PIEZO1: variants seen among roughly 807,000 people sequenced by gnomAD.
The protein encoded by PIEZO1 is piezo-type mechanosensitive ion channel component 1.
A neutral mutation model predicts 297.2 loss-of-function variants in PIEZO1; 296 were observed. That is an observed-to-expected ratio of 1.00 (90% CI 0.91 to 1.10). The LOEUF (loss-of-function observed/expected upper bound fraction) is 1.10, where lower values mean the gene tolerates loss of function less well. Among genes scored for constraint, PIEZO1 ranks in the 50% least tolerant of loss-of-function variants. The probability of loss-of-function intolerance (pLI) is 0.00; values close to 1 mark genes in which losing one functional copy is unlikely to be tolerated. For synonymous variants in PIEZO1, 2,427 were observed against 1,507.5 expected, an observed-to-expected ratio of 1.61 and a Z score of -14.13; for missense variants, 5,018 against 3,455.5, an observed-to-expected ratio of 1.45 and a Z score of -11.34.
rs145469752 is a variant in PIEZO1 at position 88,775,503 on chromosome 16, C to T, written c.64+9398G>A. 8.9e-3 allele frequency among the ~76,000 whole-genome samples: 1,352 copies of T among 152,118 alleles called. 28 individuals are homozygous for T. The highest frequency in any genetic ancestry group is 0.03 in the African/African-American group (1,257 of 41,498). ...CAGCACTTTGGGAGGCCAAGGCAGG[C>T]GGATCACCTAAGGTCAGGAGTTTGA... On this transcript the variant is annotated intron_variant, in intron 1 of 50. Coordinates refer to ENST00000301015, the MANE Select transcript of PIEZO1 (RefSeq NM_001142864.4).
chr16:88,736,004 G>A, intron 12 of PIEZO1, 144 bp downstream of exon 12: 1 of 794,774 alleles, frequency 1.3e-6, no homozygotes, highest in Non-Finnish European at 2.0e-6. Flanking sequence ...CTCTGGGCTG[G>A]CTCTGGGTGG....
rs996778701 is a variant in PIEZO1, at chr16:88,727,152, C to G, written c.3342G>C (p.Gln1114His). Residue 1114 changes from glutamine (Q) to histidine (H), a missense_variant, in exon 24 of 51, where the codon CAG (glutamine) becomes CAC (histidine). Gln to His is a conservative substitution (Grantham distance 24). Transcript: ENST00000301015. ...CCTCTGTGCGCTCAGCTGAGAACAC[C>G]TGCCACTGCTGGGAGGCGCACAGCA... ...LLLLCASQQW[Q>H]VFSAERTEEW... The G allele has an allele frequency of 7.1e-6, 11 of 1,548,840 alleles. No homozygotes were observed. The highest frequency in any genetic ancestry group is 2.0e-5 in the Admixed American group (1 of 50,964).
At chr16:88,733,119 G>C in intron 19 of PIEZO1, 159 bp downstream of exon 19, 1 of 672,020 alleles carries the variant, frequency 1.5e-6, no homozygotes, top group Non-Finnish European at 2.5e-6. Flanking sequence ...TGAGGTCGAA[G>C]GATGCTGCCT....
chr16:88,716,689 C>T lies in PIEZO1; in HGVS notation c.6796G>A (p.Val2266Ile), dbSNP rs546338962. 1.4e-4 allele frequency: 218 copies of T among 1,548,964 alleles called. No individual in the cohort carries two copies. The highest frequency in any genetic ancestry group is 1.0e-3 in the African/African-American group (75 of 73,186). Residue 2266 changes from valine (V) to isoleucine (I), a missense_variant, in exon 47 of 51, where the codon GTC (valine) becomes ATC (isoleucine). By Grantham distance (29) the Val-to-Ile change is conservative (BLOSUM62 3). Transcript: ENST00000301015. Reference protein sequence around the residue: ...FISQYSPEDIVTAQIEGSSGA... With the variant: ...FISQYSPEDIITAQIEGSSGA... ...GAGCTGCCCTCAATCTGCGCCGTGA[C>T]GATGTCCTCAGGGCTGTACTGGCTG... is the stretch of plus-strand genomic sequence containing the variant.
In PIEZO1 at chr16:88,736,336, G is replaced by A. The variant is rs1597459925; in HGVS notation, c.1369C>T (p.Arg457Cys). 1.9e-6 allele frequency: 3 copies of A among 1,550,018 alleles called. No individual in the cohort carries two copies. The highest frequency in any genetic ancestry group is 4.9e-5 in the East Asian group (2 of 40,930). The part of the protein sequence containing the change: ...LLWACLIWTV[R>C]SRHQLAMLCS... Reference sequence around the variant, plus strand: ...AGCATGGCCAGTTGGTGGCGGCTGCGCACCGTCCAGATGAGGCAGGCCCAG... The same window carrying A: ...AGCATGGCCAGTTGGTGGCGGCTGCACACCGTCCAGATGAGGCAGGCCCAG... The change falls in exon 12 of 51, where the codon CGC (arginine) becomes TGC (cysteine). Residue 457 changes from arginine (R) to cysteine (C), a missense_variant. Arg to Cys is a radical substitution (Grantham distance 180). Transcript: ENST00000301015.
At chr16:88,777,970 G>A (rs7200555) in intron 1 of PIEZO1, among the ~76,000 whole-genome samples, 42 of 152,354 alleles carry the variant, frequency 2.8e-4, no homozygotes, top group African/African-American at 9.6e-4. Flanking sequence ...TGTCCCTCCC[G>A]CATGGCCCTC....
chr16:88,727,742 T>G (rs932377637), intron 22 of PIEZO1, 81 bp from the exon 23 acceptor site: 4 of 626,138 alleles, frequency 6.4e-6, no homozygotes, highest in Non-Finnish European at 8.0e-6. Context: ...TTGACCCGAG[T>G]CTATCACCAG....
At chr16:88,741,983 C>T (rs1386142493) in intron 4 of PIEZO1, 70 bp downstream of exon 4, 2 of 1,474,240 alleles carry the variant, frequency 1.4e-6, no homozygotes, top group East Asian at 4.9e-5. Context: ...CCTCCTGGGT[C>T]CCCCCACTTC....
At chr16:88,777,440 T>C (rs749954882) in intron 1 of PIEZO1, among the ~76,000 whole-genome samples, 4 of 151,214 alleles carry the variant, frequency 2.6e-5, no homozygotes, top group Admixed American at 2.0e-4. Flanking sequence ...CGCAGACACA[T>C]TGCGGGGTCC....
Position 88,722,898 on chromosome 16 carries a change from T to C in PIEZO1, c.4607A>G (p.His1536Arg), listed in dbSNP as rs1243746484. The part of the protein sequence containing the change: ...TRWLQEFTRH[H>R]GTMSDVLRAE... ...CCGCAGCACGTCGCTCATGGTGCCGTGGTGCCGGGTGAACTCCTGCAGCCA... is the reference window on the plus strand; with the variant it reads ...CCGCAGCACGTCGCTCATGGTGCCGCGGTGCCGGGTGAACTCCTGCAGCCA... The change falls in exon 34 of 51, where the codon CAC (histidine) becomes CGC (arginine). Residue 1536 changes from histidine (H) to arginine (R), a missense_variant. His to Arg is a conservative substitution (Grantham distance 29). Transcript: ENST00000301015. The C allele has an allele frequency of 1.3e-5, 20 of 1,549,076 alleles. No individual in the cohort carries two copies. Among genetic ancestry groups the C allele is most frequent in the Non-Finnish European group, 1.7e-5 (20 of 1,146,798 alleles).
rs370172384 is a variant in PIEZO1, at chr16:88,719,447, G to T, written c.6471+127C>A. 84 of 848,714 alleles carry T rather than the reference G, an allele frequency of 9.9e-5. No homozygotes were observed. In the African/African-American group the frequency reaches 1.1e-3, roughly 11 times the overall value. 52.6% of individuals were successfully genotyped at this position (848,714 alleles called of 1,614,324 possible). A position where few individuals can be genotyped will look rare whatever the true frequency, so the allele number is the denominator to read the frequency against. On this transcript the variant is annotated intron_variant, in intron 44 of 50. Coordinates refer to ENST00000301015, the MANE Select transcript of PIEZO1 (RefSeq NM_001142864.4). The stretch of plus-strand genomic sequence containing the variant: ...CAGCTAGTGGGTGGGCTCGCCTCAT[G>T]TCCCCATGGGCTCCGAGCCCTGGGA...
intron 27 of PIEZO1, chr16:88,725,957 AC>A: frequency 1.8e-6 from 1 of 564,046 alleles, no homozygotes; most frequent in Non-Finnish European, 3.2e-6. Context: ...CCAAGCCAGA[AC>A]CCCTCCCTGG....
In PIEZO1 at chr16:88,726,904, C is replaced by T; in HGVS notation, c.3510G>A (p.Val1170=). The change falls in exon 25 of 51, where the codon GTG becomes GTA. Residue 1170 remains valine, a synonymous_variant. Transcript: ENST00000301015. ...VAVFRYLFWL[V]LVVVFVTGAT... ...CCCCCGTGACAAACACCACCACCAG[C>T]ACCAGCCAGAACAGGTATCGGAAGA... is the stretch of plus-strand genomic sequence containing the variant. The T allele has an allele frequency of 1.9e-6, 3 of 1,550,452 alleles. No individual in the cohort carries two copies. The highest frequency in any genetic ancestry group is 2.6e-6 in the Non-Finnish European group (3 of 1,146,922).
rs1487191134 is a variant in PIEZO1, at chr16:88,733,302, C to T, written c.2640G>A (p.Gln880=). 5 of 1,547,922 alleles carry T rather than the reference C, an allele frequency of 3.2e-6. No homozygotes were observed. Among genetic ancestry groups the T allele is most frequent in the Non-Finnish European group, 4.4e-6 (5 of 1,144,902 alleles). ...CCTCGGTGCAGTTGCTGGAATACTC[C>T]TGGGGGTTGACAACCTTGAGCTGGT... ...MLYQLKVVNP[Q]EYSSNCTEPF... is the part of the protein sequence containing the mutation. Residue 880 remains glutamine, a synonymous_variant, in exon 19 of 51, where the codon CAG becomes CAA. Transcript: ENST00000301015.
chr16:88,781,154 G>A (rs895283149), intron 1 of PIEZO1, among the ~76,000 whole-genome samples: 10 of 152,208 alleles, frequency 6.6e-5, no homozygotes, highest in African/African-American at 9.6e-5. Context: ...AGATGAGGCC[G>A]TCAAGGCCCA....
chr16:88,726,017 G>A, intron 27 of PIEZO1: 1 of 570,042 alleles, frequency 1.8e-6, no homozygotes, highest in Non-Finnish European at 3.1e-6. Context: ...GAGAAACTTA[G>A]CCCTTAGTGG....
At chr16:88,768,471 G>C (rs1434452986) in intron 1 of PIEZO1, among the ~76,000 whole-genome samples, 3 of 152,240 alleles carry the variant, frequency 2.0e-5, no homozygotes, top group Non-Finnish European at 4.4e-5. Flanking sequence ...GAGTGAGAAA[G>C]ACGGACACAC....
chr16:88,719,717 G>A lies in PIEZO1; in HGVS notation c.6328C>T (p.Arg2110Trp), dbSNP rs776531529. The change falls in exon 44 of 51, where the codon CGG (arginine) becomes TGG (tryptophan). Residue 2110 changes from arginine to tryptophan, a missense_variant. Arg to Trp is a moderately radical substitution (Grantham distance 101, BLOSUM62 -3). Transcript: ENST00000301015. ...AGCTCCACCAGGAACGGCACCAGCC[G>A]GAACCTGCCCACAGCCAGGGTTCCC... Reference protein sequence around the residue: ...HLNLFLFQGFRLVPFLVELRA... With the variant: ...HLNLFLFQGFWLVPFLVELRA... 24 of 1,551,058 alleles carry A rather than the reference G, an allele frequency of 1.5e-5. No individual in the cohort carries two copies. Among genetic ancestry groups the A allele is most frequent in the Non-Finnish European group, 2.0e-5 (23 of 1,147,280 alleles).
rs1208831681 is a variant in PIEZO1, at chr16:88,722,932, G to C, written c.4573C>G (p.Leu1525Val). 2.6e-6 allele frequency: 4 copies of C among 1,549,384 alleles called. No homozygotes were observed. Among genetic ancestry groups the C allele is most frequent in the East Asian group, 4.9e-5 (2 of 40,920 alleles). ...WMLGQALVDE[L>V]TRWLQEFTRH... ...GTGAACTCCTGCAGCCAGCGTGTCA[G>C]CTCATCCACTAGCGCCTGCCCCAGC... is the stretch of plus-strand genomic sequence containing the variant. The change falls in exon 34 of 51, where the codon CTG (leucine) becomes GTG (valine). Residue 1525 changes from leucine to valine, a missense_variant. By Grantham distance (32) the Leu-to-Val change is conservative. Coordinates refer to ENST00000301015, the MANE Select transcript of PIEZO1 (RefSeq NM_001142864.4).
Sources: gnomAD v4.1 joint callset for allele counts (sites outside exome capture counted in the v4.1 genomes callset) on GRCh38, gnomAD v4.1.1 for gene constraint, MANE v1.5 for transcripts, NCBI Gene and HGNC (gene_info 2026-07-23, HGNC 2026-07-21) for gene names.